Variants in SETD2 observed in about 807,000 individuals in gnomAD.
SETD2 encodes SET domain containing 2, histone lysine methyltransferase.
In SETD2, 31 loss-of-function variants were observed where a neutral mutation model predicts 242.1. The ratio of observed to expected loss-of-function variants is 0.13; its 90% CI spans 0.10 to 0.17. The LOEUF is 0.17. SETD2 is among the 10% of genes least tolerant of loss of function. The pLI is 1.00. For synonymous variants in SETD2, 1,006 were observed against 1,066.5 expected (o/e 0.94, Z 1.11); for missense variants, 2,481 against 3,046.3 (o/e 0.81, Z 4.37).
chr3:47,045,062 G>A (rs947507257), intron 16 of SETD2, among the ~76,000 whole-genome samples: 4 of 152,136 alleles, frequency 2.6e-5, no homozygotes, highest in Non-Finnish European at 5.9e-5. Context: ...CAACCTGTAC[G>A]CGGTAAATAC....
chr3:47,093,819 T>C (rs2107664649), intron 9 of SETD2, among the ~76,000 whole-genome samples: 1 of 152,314 alleles, frequency 6.6e-6, no homozygotes, highest in African/African-American at 2.4e-5. Flanking sequence ...TGTTCTTATG[T>C]ACCATGGAAC....
chr3:47,145,013 G>T (rs11716539), intron 1 of SETD2, among the ~76,000 whole-genome samples: 85,259 of 152,018 alleles, frequency 0.56, 24,083 homozygotes, highest in Non-Finnish European at 0.58. Flanking sequence ...ACAGAATATG[G>T]CTTGGAATTA....
At chr3:47,162,078 G>C (rs1421945945) in intron 1 of SETD2, among the ~76,000 whole-genome samples, 1 of 152,106 alleles carries the variant, frequency 6.6e-6, no homozygotes, top group African/African-American at 2.4e-5. Context: ...GTCTACCAAA[G>C]ATGCACTTCT....
chr3:47,145,419 C>A, intron 1 of SETD2: 1 of 300,406 alleles, frequency 3.3e-6, no homozygotes, highest in Non-Finnish European at 7.1e-6. Flanking sequence ...GAGACGGGGT[C>A]TTGCTTTGTT....
rs537360594 is a variant in SETD2 at position 47,105,073 on chromosome 3, G to A, written c.4839+924C>T. On this transcript the variant is annotated intron_variant, in intron 6 of 20. Transcript: ENST00000409792. ...ATTTCTCAGTTGTGATTTTTAATAT[G>A]ATTAAGTATAAGTAATTATAACCCA... is the stretch of plus-strand genomic sequence containing the variant. Among the ~76,000 whole-genome samples, 24 of 152,154 alleles carry A rather than the reference G, an allele frequency of 1.6e-4. No homozygotes were observed. The East Asian group carries it at 2.7e-3, about 17-fold the overall frequency.
intron 14 of SETD2, among the ~76,000 whole-genome samples, chr3:47,060,238 G>A (rs2040275708): frequency 6.6e-6 from 1 of 152,092 alleles, no homozygotes; most frequent in African/African-American, 2.4e-5. Context: ...CTCCAGCTTG[G>A]GCAACAGAGT....
chr3:47,046,431 C>A, intron 16 of SETD2, 56 bp downstream of exon 16: 4 of 1,404,462 alleles, frequency 2.8e-6, no homozygotes, highest in Admixed American at 2.6e-5. Context: ...AAAAAGAAAA[C>A]CTTCCAAAGA....
chr3:47,161,156 T>C (rs1214439434), intron 1 of SETD2, among the ~76,000 whole-genome samples: 2 of 152,162 alleles, frequency 1.3e-5, no homozygotes, highest in Non-Finnish European at 2.9e-5. Context: ...CATCCTCAAC[T>C]TAAATCCTAC....
chr3:47,041,706 G>A (rs1043101477), intron 17 of SETD2, among the ~76,000 whole-genome samples: 7 of 151,726 alleles, frequency 4.6e-5, no homozygotes, highest in African/African-American at 7.3e-5. Context: ...CTGTCTAAAC[G>A]GTATTTTTTA....
chr3:47,146,034 A>G (rs2043843350), intron 1 of SETD2, among the ~76,000 whole-genome samples: 1 of 150,750 alleles, frequency 6.6e-6, no homozygotes, highest in Non-Finnish European at 1.5e-5. Flanking sequence ...AAAAAAAAAA[A>G]AAAAAAAAGC....
intron 1 of SETD2, among the ~76,000 whole-genome samples, chr3:47,138,991 C>T (rs747466032): frequency 5.9e-5 from 9 of 151,950 alleles, no homozygotes; most frequent in Non-Finnish European, 1.0e-4. Context: ...GCTCTGTTAC[C>T]CACTGTCACC....
intron 1 of SETD2, chr3:47,138,398 T>C: frequency 6.0e-6 from 1 of 165,582 alleles, no homozygotes. Flanking sequence ...GCCTCCCATG[T>C]ATAGCTGGGA....
chr3:47,102,290 G>A (rs1021113948), intron 7 of SETD2, among the ~76,000 whole-genome samples: 9 of 152,192 alleles, frequency 5.9e-5, no homozygotes, highest in Non-Finnish European at 1.0e-4. Flanking sequence ...AGCTCTGGCA[G>A]AACTATAACC....
At chr3:47,101,944 G>A (rs1011093244) in intron 7 of SETD2, among the ~76,000 whole-genome samples, 1 of 152,156 alleles carries the variant, frequency 6.6e-6, no homozygotes, top group African/African-American at 2.4e-5. Flanking sequence ...TCAAAGGCAA[G>A]TCTATATTAA....
At chr3:47,153,021 T>C (rs1033082750) in intron 1 of SETD2, among the ~76,000 whole-genome samples, 4 of 152,172 alleles carry the variant, frequency 2.6e-5, no homozygotes, top group African/African-American at 9.7e-5. Flanking sequence ...AACCATTAGC[T>C]TGACCAAAAA....
rs180872586 is a variant in SETD2 at position 47,116,766 on chromosome 3, A to C, written c.4455-12T>G. On this transcript the variant is annotated splice_polypyrimidine_tract_variant and intron_variant, in intron 3 of 20. Transcript: ENST00000409792. ...ATTTATTCTTCTTTCTATTGGGTAAAATTTCATAAAAACTGATTAAATAAA... is the reference window on the plus strand; with the variant it reads ...ATTTATTCTTCTTTCTATTGGGTAACATTTCATAAAAACTGATTAAATAAA... 994 of 1,557,300 alleles carry C rather than the reference A, an allele frequency of 6.4e-4. 7 individuals are homozygous for C. In the African/African-American group the frequency reaches 0.013, roughly 20 times the overall value.
At chr3:47,107,700 A>T (rs1403084308) in intron 5 of SETD2, among the ~76,000 whole-genome samples, 2 of 134,426 alleles carry the variant, frequency 1.5e-5, no homozygotes, top group Non-Finnish European at 3.2e-5. Context: ...CTCAAGAAAA[A>T]GAAAAGTCAC....
intron 13 of SETD2, among the ~76,000 whole-genome samples, chr3:47,063,384 G>A (rs1340800507): frequency 6.6e-6 from 1 of 152,132 alleles, no homozygotes; most frequent in East Asian, 1.9e-4. Context: ...GGCTGAGGCA[G>A]GAAGACTGCT....
At chr3:47,154,911 G>A (rs893948628) in intron 1 of SETD2, among the ~76,000 whole-genome samples, 3 of 151,778 alleles carry the variant, frequency 2.0e-5, no homozygotes, top group Middle Eastern at 3.4e-3. Context: ...GGAGAATGGC[G>A]TGAGCCCAGG....
Sources: gnomAD v4.1 joint callset for allele counts (sites outside exome capture counted in the v4.1 genomes callset) on GRCh38, gnomAD v4.1.1 for gene constraint, MANE v1.5 for transcripts, NCBI Gene and HGNC (gene_info 2026-07-23, HGNC 2026-07-21) for gene names.